The following PDHX variants were observed in gnomAD, a reference collection of about 807,000 sequenced individuals.
PDHX encodes the protein pyruvate dehydrogenase protein X component, mitochondrial.
PDHX carries 33 observed loss-of-function variants against 55.3 expected under a neutral mutation model. The ratio of observed to expected loss-of-function variants is 0.60; its 90% CI spans 0.45 to 0.80. The LOEUF is 0.80. Among genes scored for constraint, PDHX ranks in the 30% least tolerant of loss-of-function variants. The pLI, the probability that PDHX is intolerant of heterozygous loss-of-function variation, is 0.00. For synonymous variants in PDHX, 226 were observed against 219.4 expected (o/e 1.03, Z -0.27); for missense variants, 622 against 619.9 (o/e 1.00, Z -0.04).
chr11:34,990,634 T>A (rs1336085056), intron 9 of PDHX, among the ~76,000 whole-genome samples: 3 of 152,188 alleles, frequency 2.0e-5, no homozygotes, highest in Admixed American at 1.3e-4. Flanking sequence ...ATTACATTGC[T>A]TAAGGGAGGA....
chr11:34,926,529 C>T (rs1854025696), intron 1 of PDHX, among the ~76,000 whole-genome samples: 1 of 152,138 alleles, frequency 6.6e-6, no homozygotes, highest in African/African-American at 2.4e-5. Flanking sequence ...TGAACTAGAG[C>T]ATGATGTTTA....
intron 2 of PDHX, among the ~76,000 whole-genome samples, chr11:34,938,872 T>C (rs12274490): frequency 0.19 from 28,695 of 152,208 alleles, 3,888 homozygotes; most frequent in African/African-American, 0.39. Context: ...CCCTGGAGCA[T>C]GTTTCCCTGA....
chr11:34,944,040 A>G lies in PDHX; in HGVS notation c.242-3466A>G, dbSNP rs921396553. On this transcript the variant is annotated intron_variant, in intron 2 of 10. Transcript: ENST00000227868. ...GTATCCTCAGTGCCTACATATGTAT[A>G]TATATTTTATATGTAATATATAAAT... Among the ~76,000 whole-genome samples, 15 of 148,944 alleles carry G rather than the reference A, an allele frequency of 1.0e-4. No individual in the cohort carries two copies. In the Admixed American group the frequency reaches 1.0e-3, roughly 10 times the overall value.
chr11:34,966,485 G>T (rs1162128875), intron 5 of PDHX, among the ~76,000 whole-genome samples, 155 bp from the exon 6 acceptor site: 13 of 152,104 alleles, frequency 8.5e-5, no homozygotes. Context: ...TAAGAGACAG[G>T]ATTTAATTTT....
At chr11:34,940,512 C>G (rs750509355) in intron 2 of PDHX, among the ~76,000 whole-genome samples, 8 of 152,172 alleles carry the variant, frequency 5.3e-5, no homozygotes, top group Non-Finnish European at 8.8e-5. Flanking sequence ...AAGTCCATTT[C>G]ACAAATAGCT....
At position 34,916,686 on chromosome 11, in the gene PDHX, C is replaced by T. The variant is rs1009789810; in HGVS notation, c.31C>T (p.Pro11Ser). The T allele has an allele frequency of 3.7e-6, 6 of 1,611,710 alleles. No individual in the cohort carries two copies. The highest frequency in any genetic ancestry group is 2.7e-5 in the African/African-American group (2 of 74,894). The change falls in exon 1 of 11, where the codon CCG (proline) becomes TCG (serine). Residue 11 changes from proline (P) to serine (S), a missense_variant. Transcript: ENST00000227868. ...GGCCTCCTGGAGGCTGGGCTGTGAT[C>T]CGCGGCTGCTGCGTTATCTTGTGGG... Reference protein sequence around the residue: MAASWRLGCDPRLLRYLVGFP... With the variant: MAASWRLGCDSRLLRYLVGFP...
chr11:34,960,503 G>A lies in PDHX; in HGVS notation c.626G>A (p.Gly209Glu), dbSNP rs1855001801. The A allele has an allele frequency of 6.3e-7, 1 of 1,597,482 alleles. No homozygotes were observed. The change falls in exon 5 of 11, where the codon GGG (glycine) becomes GAG (glutamate). Residue 209 changes from glycine (G) to glutamate (E), a missense_variant. By Grantham distance (98) the Gly-to-Glu change is moderately conservative (BLOSUM62 -2). Coordinates refer to ENST00000227868, the MANE Select transcript of PDHX (RefSeq NM_003477.3). ...ASQGTATGPR[G>E]IFTKEDALKL... ...CAGGGCACAGCCACTGGCCCTCGGG[G>A]GATATTCACTAAAGAGTATGTGTTT...
intron 9 of PDHX, among the ~76,000 whole-genome samples, chr11:34,986,307 CAAAAAA>C (rs755119406): frequency 1.5e-5 from 1 of 65,118 alleles, no homozygotes; most frequent in Admixed American, 1.7e-4. Flanking sequence ...CACTGTATCT[CAAAAAA>C]AAAAAAAAAA....
intron 1 of PDHX, among the ~76,000 whole-genome samples, chr11:34,928,438 T>G (rs1854075979): frequency 6.6e-6 from 1 of 151,420 alleles, no homozygotes; most frequent in Non-Finnish European, 1.5e-5. Flanking sequence ...ATTTAAAAGA[T>G]AAGAGTTTTT....
At chr11:34,978,209 G>T (rs761874757) in intron 8 of PDHX, 27 bp downstream of exon 8, 63 of 1,304,048 alleles carry the variant, frequency 4.8e-5, no homozygotes, top group Non-Finnish European at 6.7e-5. Flanking sequence ...AAATGATTTT[G>T]TCTTCTTAAG....
intron 8 of PDHX, among the ~76,000 whole-genome samples, chr11:34,982,229 G>C (rs923928108): frequency 6.6e-6 from 1 of 152,136 alleles, no homozygotes; most frequent in Non-Finnish European, 1.5e-5. Flanking sequence ...TGGCTAGCCA[G>C]TTTTCCCAGC....
intron 1 of PDHX, among the ~76,000 whole-genome samples, chr11:34,919,879 A>T (rs1853831418): frequency 6.6e-6 from 1 of 152,348 alleles, no homozygotes; most frequent in Middle Eastern, 3.4e-3. Flanking sequence ...CACATGGCAC[A>T]TTTAATCATA....
intron 2 of PDHX, among the ~76,000 whole-genome samples, chr11:34,936,689 A>G (rs377680342): frequency 3.3e-5 from 5 of 152,116 alleles, no homozygotes; most frequent in South Asian, 4.2e-4. Flanking sequence ...TTGAATGCCA[A>G]TCTGCAGTTT....
At chr11:34,965,224 G>A (rs1249613297) in intron 5 of PDHX, among the ~76,000 whole-genome samples, 1 of 152,182 alleles carries the variant, frequency 6.6e-6, no homozygotes, top group Admixed American at 6.5e-5. Context: ...TCATGTGGTT[G>A]TTGACAGAAT....
At chr11:34,992,421 A>T (rs746060126) in intron 10 of PDHX, 42 bp downstream of exon 10, 2 of 1,015,478 alleles carry the variant, frequency 2.0e-6, no homozygotes, top group Non-Finnish European at 3.1e-6. Flanking sequence ...TCAAACAGAT[A>T]GATGTAAGAC....
intron 3 of PDHX, among the ~76,000 whole-genome samples, chr11:34,955,874 T>G (rs1854895546): frequency 6.6e-6 from 1 of 152,132 alleles, no homozygotes; most frequent in South Asian, 2.1e-4. Flanking sequence ...TATTTCTGAT[T>G]CAGTTTTGAA....
intron 2 of PDHX, among the ~76,000 whole-genome samples, chr11:34,937,164 AT>A (rs757357931): frequency 3.3e-5 from 5 of 152,182 alleles, no homozygotes; most frequent in Non-Finnish European, 7.4e-5. Flanking sequence ...GTAACCTGGT[AT>A]GAGGAGATAA....
At chr11:34,934,682 G>T (rs1565151142) in intron 2 of PDHX, among the ~76,000 whole-genome samples, 1 of 148,068 alleles carries the variant, frequency 6.8e-6, no homozygotes, top group African/African-American at 2.5e-5. Context: ...GGCTCAGGGT[G>T]ATTCTCCCAC....
At position 34,991,776 on chromosome 11, in the gene PDHX, G is replaced by T. The variant is rs180939679; in HGVS notation, c.1183-539G>T. Among the ~76,000 whole-genome samples the T allele has an allele frequency of 2.0e-3, 301 of 151,804 alleles. 2 individuals are homozygous for T. In the Middle Eastern group the frequency reaches 0.031, roughly 16 times the overall value. On this transcript the variant is annotated intron_variant, in intron 9 of 10. Coordinates refer to ENST00000227868, the MANE Select transcript of PDHX (RefSeq NM_003477.3). ...ATATAAAAAATTAGCTGGGCGTGGC[G>T]GTGGGTGCCTGAAATCTCAGCTACT... is the stretch of plus-strand genomic sequence containing the variant.
Sources: allele counts gnomAD v4.1 joint callset (sites outside exome capture counted in the v4.1 genomes callset), GRCh38; gene constraint gnomAD v4.1.1; transcripts MANE v1.5; gene names NCBI Gene and HGNC (gene_info 2026-07-23, HGNC 2026-07-21).